Variants in USP9X observed in about 807,000 individuals in gnomAD.
USP9X encodes ubiquitin carboxyl-terminal hydrolase 9X.
USP9X carries 7 observed loss-of-function variants against 190.3 expected under a neutral mutation model. The observed-to-expected ratio is 0.04, with a 90% CI of 0.02 to 0.07. The LOEUF (loss-of-function observed/expected upper bound fraction) is 0.07. USP9X is among the 10% of genes least tolerant of loss of function. USP9X has a pLI of 1.00. For synonymous variants in USP9X, 645 were observed against 659.5 expected, an observed-to-expected ratio of 0.98 and a Z score of 0.34; for missense variants, 1,010 against 1,916.9, an observed-to-expected ratio of 0.53 and a Z score of 8.83.
intron 21 of USP9X, among the ~76,000 whole-genome samples, 170 bp from the exon 22 acceptor site, chrX:41,183,828 T>A (rs1355305544): frequency 2.7e-5 from 3 of 111,007 alleles, no homozygotes; most frequent in Non-Finnish European, 3.8e-5. Context: ...TTGTTTATTT[T>A]TTTTTTCTTT....
chrX:41,184,146 TTTG>T lies in USP9X; in HGVS notation c.3279+30_3279+32del, dbSNP rs771135402. On this transcript the variant is annotated intron_variant, in intron 22 of 44. Transcript: ENST00000378308. ...TAACAGAGGTTAGTTTTTGGGGTTT[TTTG>T]TTGTTGTTGTTTTCTTTGTTTTTCC... 2.0e-5 allele frequency: 24 copies of T among 1,177,709 alleles called. 1 individual carries two copies. In the Admixed American group the frequency reaches 3.3e-4, roughly 16 times the overall value.
At chrX:41,153,145 C>T (rs766451799) in intron 14 of USP9X, 64 bp downstream of exon 14, 1 of 1,045,864 alleles carries the variant, frequency 9.6e-7, no homozygotes, top group African/African-American at 1.9e-5. Flanking sequence ...CATTAATTAC[C>T]TTAGAAATGT....
intron 33 of USP9X, among the ~76,000 whole-genome samples, chrX:41,211,181 G>A (rs976182510): frequency 1.5e-4 from 17 of 111,355 alleles, no homozygotes; most frequent in African/African-American, 4.9e-4. Flanking sequence ...TTTAGAGATC[G>A]AATCTCTTGT....
Position 41,196,281 on chromosome X carries a change from C to A in USP9X, c.4008C>A (p.Phe1336Leu). 1 of 1,211,768 alleles carries A rather than the reference C, an allele frequency of 8.3e-7. No individual in the cohort carries two copies. The highest frequency in any genetic ancestry group is 2.3e-4 in the Middle Eastern group (1 of 4,354). The change falls in exon 27 of 45, where the codon TTC becomes TTA. Residue 1336 changes from phenylalanine (F) to leucine (L), a missense_variant. Physicochemically the swap from Phe to Leu is conservative, Grantham distance 22. Transcript: ENST00000378308. Reference protein sequence around the residue: ...KTVRQVAQEQFFLMCTRCCMG... With the variant: ...KTVRQVAQEQLFLMCTRCCMG... ...TTCGTCAGGTGGCACAGGAGCAGTTCTTTTTAATGTGCACCAGATGTTGCA... is the reference window on the plus strand; with the variant it reads ...TTCGTCAGGTGGCACAGGAGCAGTTATTTTTAATGTGCACCAGATGTTGCA...
chrX:41,186,708 C>T, intron 24 of USP9X, 66 bp downstream of exon 24: 1 of 1,120,258 alleles, frequency 8.9e-7, no homozygotes, highest in Non-Finnish European at 1.2e-6. Flanking sequence ...TAATCACTGT[C>T]TCATTCTATA....
At chrX:41,113,442 G>C (rs1471482896) in intron 1 of USP9X, among the ~76,000 whole-genome samples, 1 of 111,167 alleles carries the variant, frequency 9.0e-6, no homozygotes, top group Non-Finnish European at 1.9e-5. Context: ...TTTGTGATCT[G>C]CCCGCCTCGG....
chrX:41,195,544 A>G (rs1330177742), intron 26 of USP9X, among the ~76,000 whole-genome samples: 4 of 110,970 alleles, frequency 3.6e-5, no homozygotes, highest in Non-Finnish European at 7.6e-5. Context: ...GCAGTCCCCA[A>G]CCCTTTTGGC....
chrX:41,234,935 T>C lies in USP9X; in HGVS notation c.*2411T>C, dbSNP rs983190301. Reference sequence around the variant, plus strand: ...AACGAGTGAAATAGGTTAACTTTATTTGGATGAGTTAGGTGTACCATCTCA... The same window carrying C: ...AACGAGTGAAATAGGTTAACTTTATCTGGATGAGTTAGGTGTACCATCTCA... On this transcript the variant is annotated 3_prime_UTR_variant, in exon 45 of 45. Transcript: ENST00000378308. 2 of 112,362 alleles carry C rather than the reference T, an allele frequency of 1.8e-5. No homozygotes were observed. The highest frequency in any genetic ancestry group is 6.5e-5 in the African/African-American group (2 of 30,865). 9.3% of individuals were successfully genotyped at this position (112,362 alleles called of 1,213,427 possible).
chrX:41,185,253 T>C (rs1000540101), intron 23 of USP9X, among the ~76,000 whole-genome samples: 1 of 112,541 alleles, frequency 8.9e-6, no homozygotes, highest in Admixed American at 9.4e-5. Context: ...AAGATTTTCT[T>C]CTTTAGAAAT....
intron 11 of USP9X, among the ~76,000 whole-genome samples, chrX:41,145,894 T>C (rs1423730533): frequency 8.9e-6 from 1 of 112,244 alleles, no homozygotes; most frequent in Non-Finnish European, 1.9e-5. Flanking sequence ...CTTTGATTTA[T>C]GGAAAAATCG....
At position 41,229,052 on chromosome X, in the gene USP9X, C is replaced by T. The variant is rs750967284; in HGVS notation, c.7062-201C>T. The T allele has an allele frequency of 2.8e-5, 8 of 283,364 alleles. No homozygotes were observed. In the South Asian group the frequency reaches 5.1e-4, roughly 18 times the overall value. 23.4% of individuals were successfully genotyped at this position (283,364 alleles called of 1,213,427 possible). On this transcript the variant is annotated intron_variant, in intron 41 of 44. Transcript: ENST00000378308. ...CTGGGAGGCAGGACTTGAAGTAAGC[C>T]GAGATGGCGCCACTGCACTCCAGCC...
At chrX:41,181,274 T>A (rs2062822556) in intron 21 of USP9X, among the ~76,000 whole-genome samples, 1 of 93,370 alleles carries the variant, frequency 1.1e-5, no homozygotes, top group Non-Finnish European at 2.1e-5. Context: ...TCTCATTTCT[T>A]TTTTTTTTTT....
In USP9X at chrX:41,233,649, A is replaced by G. The variant is rs964947894; in HGVS notation, c.*1125A>G. On this transcript the variant is annotated 3_prime_UTR_variant, in exon 45 of 45. Transcript: ENST00000378308. ...TAGCTGGCTGATTTTCTGCTCAGTC[A>G]CAATTTTACTTGAAAGCAAGAATTG... 1.2e-4 allele frequency: 13 copies of G among 112,394 alleles called. No individual in the cohort carries two copies. The highest frequency in any genetic ancestry group is 1.9e-4 in the Non-Finnish European group (10 of 53,285). 9.3% of individuals were successfully genotyped at this position (112,394 alleles called of 1,213,427 possible). A position where few individuals can be genotyped will look rare whatever the true frequency, so the allele number is the denominator to read the frequency against.
At chrX:41,169,511 G>A (rs1337320946) in intron 18 of USP9X, among the ~76,000 whole-genome samples, 3 of 110,947 alleles carry the variant, frequency 2.7e-5, no homozygotes, top group Non-Finnish European at 1.9e-5. Context: ...CTGGAGTGCA[G>A]TGGTGCAGTC....
chrX:41,123,829 G>A, intron 2 of USP9X, 105 bp downstream of exon 2: 1 of 778,985 alleles, frequency 1.3e-6, no homozygotes, highest in Non-Finnish European at 1.8e-6. Context: ...GATCACTTGA[G>A]GTCAAGAGTT....
In USP9X at chrX:41,141,253, C is replaced by T. The variant is rs762760714; in HGVS notation, c.1022+36C>T. 4.1e-5 allele frequency: 49 copies of T among 1,192,047 alleles called. No homozygotes were observed. In the South Asian group the frequency reaches 5.1e-4, roughly 12 times the overall value. On this transcript the variant is annotated intron_variant, in intron 8 of 44. Transcript: ENST00000378308. ...TACCTCTTGAAATAATTGTTAATGCCGATTTTAGAATCATACTTATCACTG... is the reference window on the plus strand; with the variant it reads ...TACCTCTTGAAATAATTGTTAATGCTGATTTTAGAATCATACTTATCACTG...
chrX:41,171,759 A>C (rs763669081), intron 20 of USP9X, 79 bp from the exon 21 acceptor site: 26 of 1,089,920 alleles, frequency 2.4e-5, no homozygotes, highest in Non-Finnish European at 3.2e-5. Flanking sequence ...AGGGATTAAC[A>C]CAGAGAAACT....
At chrX:41,218,839 T>C in intron 37 of USP9X, among the ~76,000 whole-genome samples, 1 of 112,616 alleles carries the variant, frequency 8.9e-6, no homozygotes, top group East Asian at 2.8e-4. Flanking sequence ...ATTATAAGTT[T>C]ACTGTTAAGT....
At chrX:41,221,817 A>G (rs2063266155) in intron 38 of USP9X, among the ~76,000 whole-genome samples, 1 of 111,629 alleles carries the variant, frequency 9.0e-6, no homozygotes, top group Non-Finnish European at 1.9e-5. Flanking sequence ...ATCTATAGAC[A>G]TAAGATCATT....
Sources: gnomAD v4.1 joint callset for allele counts (sites outside exome capture counted in the v4.1 genomes callset) on GRCh38, gnomAD v4.1.1 for gene constraint, MANE v1.5 for transcripts, NCBI Gene and HGNC (gene_info 2026-07-23, HGNC 2026-07-21) for gene names.